NIPAL4: variants seen among roughly 807,000 people sequenced by gnomAD.
NIPAL4 encodes the protein NIPA like domain containing 4, also known as magnesium transporter NIPA4.
NIPAL4 carries 21 observed loss-of-function variants against 31.6 expected under a neutral mutation model. That is an observed-to-expected ratio of 0.67 (90% CI 0.47 to 0.96). The LOEUF (loss-of-function observed/expected upper bound fraction) is 0.96. Among genes scored for constraint, NIPAL4 ranks in the 40% least tolerant of loss-of-function variants. The pLI is 0.00. For missense variants in NIPAL4, 438 were observed against 508.0 expected (o/e 0.86, Z 1.32); for synonymous variants, 175 against 211.1 (o/e 0.83, Z 1.48).
chr5:157,465,530 C>T (rs936812123), intron 2 of NIPAL4, among the ~76,000 whole-genome samples: 3 of 152,166 alleles, frequency 2.0e-5, no homozygotes, highest in African/African-American at 7.2e-5. Context: ...TTATCATCAT[C>T]GTTGTTGCTA....
In NIPAL4 at chr5:157,472,708, T is replaced by C. The variant is rs201872599; in HGVS notation, c.963T>C (p.Ser321=). The part of the protein sequence containing the change: ...IILFKEWYSM[S]AVDIAGTLSG... ...TCTTCAAGGAGTGGTACAGCATGTC[T>C]GCTGTGGACATTGCAGGCACCCTCT... The change falls in exon 6 of 6, where the codon TCT becomes TCC. Residue 321 remains serine, a synonymous_variant. Transcript: ENST00000311946. 39 of 1,613,918 alleles carry C rather than the reference T, an allele frequency of 2.4e-5. No homozygotes were observed. Among genetic ancestry groups the C allele is most frequent in the South Asian group, 5.5e-5 (5 of 91,090 alleles).
intron 2 of NIPAL4, among the ~76,000 whole-genome samples, chr5:157,466,215 A>G (rs1487368133): frequency 6.6e-6 from 1 of 152,162 alleles, no homozygotes; most frequent in Non-Finnish European, 1.5e-5. Context: ...ATAATAGAGT[A>G]TTCTGGACAC....
chr5:157,471,507 G>A (rs368063602), intron 4 of NIPAL4, 150 bp from the exon 5 acceptor site: 32 of 625,158 alleles, frequency 5.1e-5, no homozygotes, highest in African/African-American at 2.6e-4. Context: ...CCATGGTAAC[G>A]TAAGTTTTTT....
chr5:157,463,463 C>T (rs1353853583), intron 2 of NIPAL4, 130 bp downstream of exon 2: 16 of 1,119,722 alleles, frequency 1.4e-5, no homozygotes, highest in Non-Finnish European at 1.8e-5. Context: ...TGGAATCCCA[C>T]CTGCCAACAG....
chr5:157,472,338 T>C lies in NIPAL4; in HGVS notation c.593T>C (p.Ile198Thr). 1 of 1,601,438 alleles carries C rather than the reference T, an allele frequency of 6.2e-7. No homozygotes were observed. Among genetic ancestry groups the C allele is most frequent in the Non-Finnish European group, 8.5e-7 (1 of 1,175,570 alleles). Reference sequence around the variant, plus strand: ...TCTCTCTCTCCTCCCAAAGGGTTCATCGTGTTTGCTGTGCTTCTGCTGGTG... The same window carrying C: ...TCTCTCTCTCCTCCCAAAGGGTTCACCGTGTTTGCTGTGCTTCTGCTGGTG... Reference protein sequence around the residue: ...MASKMKDTGFIVFAVLLLVSC... With the variant: ...MASKMKDTGFTVFAVLLLVSC... The change falls in exon 6 of 6, where the codon ATC (isoleucine) becomes ACC (threonine). Residue 198 changes from isoleucine (I) to threonine (T), a missense_variant. By Grantham distance (89) the Ile-to-Thr change is moderately conservative. Coordinates refer to ENST00000311946, the MANE Select transcript of NIPAL4 (RefSeq NM_001099287.2).
At chr5:157,460,893 A>C (rs1754084542) in intron 1 of NIPAL4, among the ~76,000 whole-genome samples, 1 of 152,154 alleles carries the variant, frequency 6.6e-6, no homozygotes. Context: ...CTGAATCCTT[A>C]AAACAACTCT....
chr5:157,472,882 C>G lies in NIPAL4; in HGVS notation c.1137C>G (p.Asn379Lys). Residue 379 changes from asparagine (N) to lysine (K), a missense_variant, in exon 6 of 6, where the codon AAC (asparagine) becomes AAG (lysine). Coordinates refer to ENST00000311946, the MANE Select transcript of NIPAL4 (RefSeq NM_001099287.2). ...EPTVIRLEDK[N>K]VLVDNIELAS... ...CTGTTATTAGACTGGAAGACAAGAA[C>G]GTCCTTGTGGACAATATAGAACTTG... 2 of 1,559,040 alleles carry G rather than the reference C, an allele frequency of 1.3e-6. No individual in the cohort carries two copies. The highest frequency in any genetic ancestry group is 1.7e-6 in the Non-Finnish European group (2 of 1,149,510).
At chr5:157,463,071 C>A in intron 1 of NIPAL4, 23 bp from the exon 2 acceptor site, 1 of 1,613,326 alleles carries the variant, frequency 6.2e-7, no homozygotes, top group Non-Finnish European at 8.5e-7. Flanking sequence ...GTGTGACTCT[C>A]TCACTGTGGT....
intron 3 of NIPAL4, chr5:157,467,322 C>A: frequency 1.9e-6 from 1 of 530,070 alleles, no homozygotes. Flanking sequence ...GAGGTTTGCA[C>A]AGAGCTGGCA....
rs1277747600 is a variant in NIPAL4, at chr5:157,463,179, C to T, written c.123C>T (p.Ala41=). ...TCAGCCCTGAGGTGCCCAGCAATGC[C>T]ACCTTTCACAGCTGGCAGGAAAGAA... ...NDLSPEVPSN[A]TFHSWQERIR... Residue 41 remains alanine, a synonymous_variant, in exon 2 of 6, where the codon GCC becomes GCT. Transcript: ENST00000311946. 2 of 1,614,026 alleles carry T rather than the reference C, an allele frequency of 1.2e-6. No homozygotes were observed. The highest frequency in any genetic ancestry group is 1.7e-5 in the Admixed American group (1 of 60,026).
At chr5:157,464,789 T>C (rs1028383756) in intron 2 of NIPAL4, among the ~76,000 whole-genome samples, 1 of 152,194 alleles carries the variant, frequency 6.6e-6, no homozygotes, top group Admixed American at 6.5e-5. Context: ...ATATTGCACT[T>C]AGGAAGCAGA....
Position 157,463,096 on chromosome 5 carries a change from T to C in NIPAL4, c.40T>C (p.Ser14Pro), listed in dbSNP as rs763156314. Residue 14 changes from serine to proline, a missense_variant and splice_region_variant, in exon 2 of 6, where the codon TCC becomes CCC. Transcript: ENST00000311946. ...RVSNTSCENG[S>P]LLHLYCSSQE... ...CTCACTGTGGTCTTCCCATCCAGGT[T>C]CCCTGCTCCACCTCTACTGCTCCTC... The C allele has an allele frequency of 6.2e-7, 1 of 1,613,900 alleles. No individual in the cohort carries two copies. The highest frequency in any genetic ancestry group is 8.5e-7 in the Non-Finnish European group (1 of 1,179,780).
At chr5:157,461,926 T>A (rs1009072507) in intron 1 of NIPAL4, among the ~76,000 whole-genome samples, 5 of 152,258 alleles carry the variant, frequency 3.3e-5, no homozygotes, top group African/African-American at 1.2e-4. Flanking sequence ...CTTTAGTCTG[T>A]TCCACCAAGA....
At chr5:157,470,359 A>G (rs1254060097) in intron 4 of NIPAL4, among the ~76,000 whole-genome samples, 1 of 152,192 alleles carries the variant, frequency 6.6e-6, no homozygotes, top group African/African-American at 2.4e-5. Context: ...TTGAAGACTC[A>G]GGGAAGTCAC....
chr5:157,469,555 A>G (rs1457170262), intron 4 of NIPAL4, among the ~76,000 whole-genome samples: 3 of 152,214 alleles, frequency 2.0e-5, no homozygotes, highest in African/African-American at 7.2e-5. Context: ...CTTAATTGCT[A>G]TGCCACATTG....
chr5:157,460,678 G>A (rs893694293), intron 1 of NIPAL4: 4 of 578,476 alleles, frequency 6.9e-6, no homozygotes, highest in African/African-American at 5.5e-5. Flanking sequence ...AGGATTCTGT[G>A]TTTTTAATGT....
chr5:157,463,874 C>CTG (rs1243114535), intron 2 of NIPAL4, among the ~76,000 whole-genome samples: 1 of 152,188 alleles, frequency 6.6e-6, no homozygotes, highest in Non-Finnish European at 1.5e-5. Flanking sequence ...AAAAGGAATC[C>CTG]TGTGCAAAAT....
chr5:157,468,660 C>T (rs894859997), intron 3 of NIPAL4, 62 bp from the exon 4 acceptor site: 5 of 933,308 alleles, frequency 5.4e-6, no homozygotes, highest in African/African-American at 3.3e-5. Flanking sequence ...CGGAATTATT[C>T]GTCTGGAATG....
At chr5:157,460,412 CCTT>C in intron 1 of NIPAL4, 55 bp downstream of exon 1, 1 of 1,471,808 alleles carries the variant, frequency 6.8e-7, no homozygotes. Context: ...GCCCTCCCCT[CCTT>C]GCCACCGCTC....
Sources: gnomAD v4.1 joint callset for allele counts (sites outside exome capture counted in the v4.1 genomes callset) on GRCh38, gnomAD v4.1.1 for gene constraint, MANE v1.5 for transcripts, NCBI Gene and HGNC (gene_info 2026-07-23, HGNC 2026-07-21) for gene names.